The following CFAP299 variants were observed in gnomAD, a reference collection of about 807,000 sequenced individuals.
CFAP299 encodes the protein cilia- and flagella-associated protein 299.
A neutral mutation model predicts 27.0 loss-of-function variants in CFAP299; 21 were observed. That is an observed-to-expected ratio of 0.78 (90% confidence interval 0.55 to 1.12). The LOEUF is 1.12. Among genes scored for constraint, CFAP299 ranks in the 50% most tolerant of loss-of-function variants. The probability of loss-of-function intolerance (pLI) is 0.00; values close to 1 mark genes in which losing one functional copy is unlikely to be tolerated. For synonymous variants in CFAP299, 104 were observed against 98.1 expected (o/e 1.06, Z -0.36); for missense variants, 310 against 276.6 (o/e 1.12, Z -0.86).
chr4:80,401,077 T>C (rs1046236895), intron 2 of CFAP299, among the ~76,000 whole-genome samples: 3 of 152,144 alleles, frequency 2.0e-5, no homozygotes, highest in African/African-American at 4.8e-5. Context: ...TTTCTAAACA[T>C]CAAAGCATTC....
chr4:80,627,794 T>C (rs761218143), intron 3 of CFAP299, among the ~76,000 whole-genome samples: 1 of 151,890 alleles, frequency 6.6e-6, no homozygotes, highest in Non-Finnish European at 1.5e-5. Context: ...GAATGATCTC[T>C]ACCCTAAAAG....
intron 3 of CFAP299, among the ~76,000 whole-genome samples, chr4:80,861,752 A>G (rs949034018): frequency 3.3e-5 from 5 of 152,130 alleles, no homozygotes; most frequent in African/African-American, 1.2e-4. Flanking sequence ...AAATGTTATT[A>G]TTCTAATAAA....
chr4:80,612,226 C>G (rs972156140), intron 3 of CFAP299, among the ~76,000 whole-genome samples: 2 of 151,998 alleles, frequency 1.3e-5, no homozygotes, highest in African/African-American at 4.8e-5. Flanking sequence ...TTCTTACATT[C>G]TGTCTTTTCT....
intron 3 of CFAP299, among the ~76,000 whole-genome samples, chr4:80,632,065 A>G (rs879297178): frequency 2.0e-5 from 3 of 151,996 alleles, no homozygotes; most frequent in Admixed American, 6.6e-5. Flanking sequence ...GAACCTGACA[A>G]TGCTGGCACC....
intron 4 of CFAP299, among the ~76,000 whole-genome samples, chr4:80,887,061 T>C (rs540750158): frequency 1.8e-4 from 27 of 151,686 alleles, no homozygotes; most frequent in Admixed American, 1.4e-3. Context: ...AAATAAACAA[T>C]GAAGCATACC....
intron 4 of CFAP299, 138 bp from the exon 5 acceptor site, chr4:80,944,672 A>C (rs1168992683): frequency 6.4e-6 from 4 of 624,126 alleles, no homozygotes; most frequent in Non-Finnish European, 1.1e-5. Context: ...TTTTAATCTC[A>C]AATGTGTTCT....
At chr4:80,538,795 ACT>A (rs1733867583) in intron 2 of CFAP299, among the ~76,000 whole-genome samples, 1 of 152,166 alleles carries the variant, frequency 6.6e-6, no homozygotes. Context: ...AACTTGCCTA[ACT>A]CTGCGTTTCT....
At chr4:80,623,855 C>T (rs1041589035) in intron 3 of CFAP299, among the ~76,000 whole-genome samples, 4 of 152,130 alleles carry the variant, frequency 2.6e-5, no homozygotes, top group African/African-American at 9.7e-5. Context: ...CACAGCCCCA[C>T]GTCTCAGGCT....
At position 80,374,660 on chromosome 4, in the gene CFAP299, C is replaced by T. The variant is rs147927015; in HGVS notation, c.242+11776C>T. Among the ~76,000 whole-genome samples the T allele has an allele frequency of 6.2e-3, 950 of 152,280 alleles. 2 individuals are homozygous for T. The highest frequency in any genetic ancestry group is 0.024 in the Middle Eastern group (7 of 294). On this transcript the variant is annotated intron_variant, in intron 2 of 5. Coordinates refer to ENST00000358105, the MANE Select transcript of CFAP299 (RefSeq NM_152770.3). ...GTGTAACATACTTGCCCCTGCTGAA[C>T]ATTTGACTGCCTTTGGAACTCATTC...
chr4:80,470,195 C>T (rs1002134073), intron 2 of CFAP299, among the ~76,000 whole-genome samples: 1 of 151,964 alleles, frequency 6.6e-6, no homozygotes, highest in Non-Finnish European at 1.5e-5. Context: ...TACTAAATGT[C>T]TTATGTTCAG....
At chr4:80,701,322 T>C (rs184575175) in intron 3 of CFAP299, among the ~76,000 whole-genome samples, 11 of 152,172 alleles carry the variant, frequency 7.2e-5, no homozygotes, top group African/African-American at 2.6e-4. Flanking sequence ...AATGACATTA[T>C]TGGTATTAAA....
At chr4:80,850,463 T>C (rs1731451671) in intron 3 of CFAP299, among the ~76,000 whole-genome samples, 1 of 151,878 alleles carries the variant, frequency 6.6e-6, no homozygotes, top group African/African-American at 2.4e-5. Flanking sequence ...TTGGAAAACT[T>C]TGAGGTTAGT....
intron 3 of CFAP299, among the ~76,000 whole-genome samples, chr4:80,777,241 A>T (rs1435969839): frequency 6.6e-6 from 1 of 152,124 alleles, no homozygotes; most frequent in Non-Finnish European, 1.5e-5. Context: ...TGAAAGTCAA[A>T]TGATTTTTGC....
chr4:80,601,459 C>T (rs1737346273), intron 3 of CFAP299, among the ~76,000 whole-genome samples: 1 of 152,068 alleles, frequency 6.6e-6, no homozygotes, highest in Admixed American at 6.6e-5. Context: ...CTTCATTATG[C>T]CCCACCTACC....
intron 2 of CFAP299, among the ~76,000 whole-genome samples, chr4:80,372,450 T>C (rs1475636514): frequency 6.6e-6 from 1 of 152,230 alleles, no homozygotes; most frequent in African/African-American, 2.4e-5. Context: ...AGTCCCCAGA[T>C]AGCAGTGCTG....
intron 2 of CFAP299, among the ~76,000 whole-genome samples, chr4:80,522,673 T>G (rs1236635457): frequency 6.6e-6 from 1 of 152,148 alleles, no homozygotes; most frequent in African/African-American, 2.4e-5. Context: ...ATATTTTTTG[T>G]GTATGATGTA....
At chr4:80,618,987 T>C (rs1485779932) in intron 3 of CFAP299, among the ~76,000 whole-genome samples, 1 of 152,150 alleles carries the variant, frequency 6.6e-6, no homozygotes, top group Non-Finnish European at 1.5e-5. Flanking sequence ...GTATGTGTAA[T>C]ATTTATTACT....
intron 2 of CFAP299, among the ~76,000 whole-genome samples, chr4:80,501,888 C>T (rs1349155129): frequency 1.3e-5 from 2 of 151,876 alleles, no homozygotes; most frequent in African/African-American, 2.4e-5. Flanking sequence ...TGCTAAGGCT[C>T]TATTTATGTT....
chr4:80,769,659 G>T (rs1726097288), intron 3 of CFAP299, among the ~76,000 whole-genome samples: 1 of 152,168 alleles, frequency 6.6e-6, no homozygotes, highest in African/African-American at 2.4e-5. Context: ...CTCCCAAAGT[G>T]CTGGGATTAT....
Sources: allele counts gnomAD v4.1 joint callset (sites outside exome capture counted in the v4.1 genomes callset), GRCh38; gene constraint gnomAD v4.1.1; transcripts MANE v1.5; gene names NCBI Gene and HGNC (gene_info 2026-07-23, HGNC 2026-07-21).